Variants in USP39 observed in about 807,000 individuals in gnomAD.
USP39 encodes ubiquitin carboxyl-terminal hydrolase 39.
A neutral mutation model predicts 66.4 loss-of-function variants in USP39; 38 were observed. That is an observed-to-expected ratio of 0.57 (90% confidence interval 0.44 to 0.75). The LOEUF (loss-of-function observed/expected upper bound fraction) is 0.75, where lower values mean the gene tolerates loss of function less well. USP39 is among the 30% of genes least tolerant of loss of function. USP39 has a pLI of 0.00. For synonymous variants in USP39, 303 were observed against 274.6 expected, an observed-to-expected ratio of 1.10 and a Z score of -1.02; for missense variants, 608 against 714.4, an observed-to-expected ratio of 0.85 and a Z score of 1.70.
upstream of USP39, chr2:85,609,322 G>A: frequency 1.4e-6 from 2 of 1,443,560 alleles, no homozygotes; most frequent in East Asian, 2.3e-5. Flanking sequence ...AGACTCACAT[G>A]TGGAGCAGAC....
chr2:85,623,910 C>T (rs568948822), intron 4 of USP39, 128 bp downstream of exon 4: 3 of 1,109,316 alleles, frequency 2.7e-6, no homozygotes, highest in Non-Finnish European at 3.8e-6. Context: ...GCTGCTTTCT[C>T]TTTTGGGAAG....
chr2:85,619,672 TTCCCAG>T (rs1674297839), intron 2 of USP39, among the ~76,000 whole-genome samples: 6 of 151,774 alleles, frequency 4.0e-5, no homozygotes, highest in Admixed American at 1.3e-4. Flanking sequence ...TTTTCTCTGA[TTCCCAG>T]GTGGCATGTA....
chr2:85,639,454 C>CTT (rs10660019), intron 9 of USP39, 63 bp downstream of exon 9: 36,201 of 1,161,492 alleles, frequency 0.031, 727 homozygotes, highest in East Asian at 0.19. Flanking sequence ...TTTTCATTTT[C>CTT]TTTTTTTTTT....
At chr2:85,629,834 A>T (rs151045516) in intron 5 of USP39, among the ~76,000 whole-genome samples, 28 of 151,966 alleles carry the variant, frequency 1.8e-4, no homozygotes, top group African/African-American at 6.5e-4. Context: ...TTTACTTTTT[A>T]AAAAAAATTT....
At position 85,635,285 on chromosome 2, in the gene USP39, C is replaced by T. The variant is rs544837576; in HGVS notation, c.950-768C>T. Among the ~76,000 whole-genome samples, 20 of 152,266 alleles carry T rather than the reference C, an allele frequency of 1.3e-4. No individual in the cohort carries two copies. The East Asian group carries it at 3.3e-3, about 25-fold the overall frequency. ...AGAAAGTAGTCATTATCTGGCTGGG[C>T]GCAGTGGCTCATGCCTGTAATCCCA... On this transcript the variant is annotated intron_variant, in intron 6 of 12. Coordinates refer to ENST00000323701, the MANE Select transcript of USP39 (RefSeq NM_006590.4).
At chr2:85,611,293 G>A (rs557305561), upstream of USP39, 1,698 of 1,420,150 alleles carry the variant, frequency 1.2e-3, 2 homozygotes, top group Non-Finnish European at 1.5e-3. Context: ...CTAGGTAGCA[G>A]AGAAGCTGGG....
At chr2:85,621,907 C>T (rs1332189914) in intron 3 of USP39, among the ~76,000 whole-genome samples, 1 of 151,936 alleles carries the variant, frequency 6.6e-6, no homozygotes, top group East Asian at 1.9e-4. Flanking sequence ...GCAACCTCCG[C>T]CTCCTGGGTT....
At chr2:85,631,892 G>A (rs944163964) in intron 6 of USP39, among the ~76,000 whole-genome samples, 14 of 151,946 alleles carry the variant, frequency 9.2e-5, no homozygotes, top group Non-Finnish European at 7.4e-5. Flanking sequence ...GGGATTACAG[G>A]TGCCCGCCAA....
intron 5 of USP39, among the ~76,000 whole-genome samples, chr2:85,626,396 A>G (rs1252046196): frequency 6.6e-6 from 1 of 152,196 alleles, no homozygotes; most frequent in Non-Finnish European, 1.5e-5. Flanking sequence ...TGTAGAGTAT[A>G]GTCAGATGAT....
chr2:85,633,880 C>T (rs1309496053), intron 6 of USP39, among the ~76,000 whole-genome samples: 5 of 137,972 alleles, frequency 3.6e-5, no homozygotes, highest in Non-Finnish European at 7.7e-5. Flanking sequence ...CTCTGTTGCC[C>T]AGGCTGGAGT....
Position 85,639,408 on chromosome 2 carries a change from C to G in USP39, c.1284+17C>G. On this transcript the variant is annotated intron_variant, in intron 9 of 12. Transcript: ENST00000323701. ...ACTGAGAAGGTAGCCCATTAACACA[C>G]CTGCCCTGCCTATACTTACCCTCGC... is the stretch of plus-strand genomic sequence containing the variant. The G allele has an allele frequency of 6.2e-7, 1 of 1,605,818 alleles. No individual in the cohort carries two copies. The highest frequency in any genetic ancestry group is 2.2e-5 in the East Asian group (1 of 44,740).
rs1336222217 is a variant in USP39 at position 85,616,408 on chromosome 2, G to T, written c.213G>T (p.Arg71=). The change falls in exon 1 of 13, where the codon CGG becomes CGT. Residue 71 remains arginine (R), a synonymous_variant. Transcript: ENST00000323701. ...CGGCTTCTGTTGTCCCGTTTGTGCG[G>T]GTGAAGCGGGAGCGCGAGGTCGATG... ...EAPASVVPFV[R]VKREREVDED... 1 of 1,599,960 alleles carries T rather than the reference G, an allele frequency of 6.3e-7. No homozygotes were observed. The highest frequency in any genetic ancestry group is 8.5e-7 in the Non-Finnish European group (1 of 1,172,798).
intron 1 of USP39, 74 bp downstream of exon 1, chr2:85,616,537 C>A: frequency 9.3e-7 from 1 of 1,076,352 alleles, no homozygotes; most frequent in Non-Finnish European, 1.1e-6. Context: ...TCTAATCTTC[C>A]GCTAGGTCAC....
At chr2:85,631,448 A>G (rs558832666) in intron 6 of USP39, among the ~76,000 whole-genome samples, 3 of 149,898 alleles carry the variant, frequency 2.0e-5, no homozygotes, top group African/African-American at 7.4e-5. Context: ...TCAAGTAGCT[A>G]TGATTACAGG....
intron 1 of USP39, chr2:85,603,164 A>G (rs1673069104): frequency 6.6e-6 from 1 of 152,210 alleles, no homozygotes; most frequent in African/African-American, 2.4e-5. Flanking sequence ...AGAAGCAGAC[A>G]CAAAGACTTG....
chr2:85,609,100 C>T (rs1673338287), upstream of USP39: 1 of 1,609,390 alleles, frequency 6.2e-7, no homozygotes, highest in African/African-American at 1.3e-5. Context: ...GGCTCAGGGC[C>T]TGGCCTCTTC....
chr2:85,627,742 G>C (rs192774582), intron 5 of USP39, among the ~76,000 whole-genome samples: 1 of 151,938 alleles, frequency 6.6e-6, no homozygotes, highest in African/African-American at 2.4e-5. Flanking sequence ...GAGGCTGTTG[G>C]AGAAGTTTGA....
chr2:85,616,344 T>C lies in USP39; in HGVS notation c.149T>C (p.Val50Ala), dbSNP rs367889558. The C allele has an allele frequency of 1.6e-4, 249 of 1,601,382 alleles. No individual in the cohort carries two copies. Among genetic ancestry groups the C allele is most frequent in the Non-Finnish European group, 1.7e-4 (203 of 1,174,314 alleles). ...AASSRGSPVR[V>A]KREFEPASAR... is the part of the protein sequence containing the mutation. Reference sequence around the variant, plus strand: ...AGCTCCCGGGGCAGCCCTGTGCGCGTGAAGCGGGAGTTCGAGCCGGCGAGC... The same window carrying C: ...AGCTCCCGGGGCAGCCCTGTGCGCGCGAAGCGGGAGTTCGAGCCGGCGAGC... Residue 50 changes from valine (V) to alanine (A), a missense_variant, in exon 1 of 13, where the codon GTG (valine) becomes GCG (alanine). Transcript: ENST00000323701.
upstream of USP39, among the ~76,000 whole-genome samples, chr2:85,610,012 G>GTT (rs1673405802): frequency 2.9e-5 from 4 of 137,764 alleles, no homozygotes; most frequent in African/African-American, 1.2e-4. Context: ...CAGTGTAAGT[G>GTT]GTTTTTTTTT....
Sources: allele counts gnomAD v4.1 joint callset (sites outside exome capture counted in the v4.1 genomes callset), GRCh38; gene constraint gnomAD v4.1.1; transcripts MANE v1.5; gene names NCBI Gene and HGNC (gene_info 2026-07-23, HGNC 2026-07-21).